PSMA3: variants seen among roughly 807,000 people sequenced by gnomAD.
PSMA3 encodes proteasome subunit alpha type-3.
Under a neutral mutation model 40.0 loss-of-function variants are expected in PSMA3, and 8 were observed. The ratio of observed to expected loss-of-function variants is 0.20; its 90% CI spans 0.12 to 0.36. The LOEUF (loss-of-function observed/expected upper bound fraction) is 0.36. Ranked by LOEUF, PSMA3 falls within the 10% of genes least tolerant of loss-of-function variation. The pLI, the probability that PSMA3 is intolerant of heterozygous loss-of-function variation, is 1.00. For missense variants in PSMA3, 219 were observed against 310.6 expected, an observed-to-expected ratio of 0.70 and a Z score of 2.22; for synonymous variants, 110 against 100.0, an observed-to-expected ratio of 1.10 and a Z score of -0.59.
intron 2 of PSMA3, among the ~76,000 whole-genome samples, chr14:58,249,911 T>C (rs1462530489): frequency 6.6e-6 from 1 of 152,076 alleles, no homozygotes; most frequent in African/African-American, 2.4e-5. Context: ...GTGGAAGATG[T>C]TGAGTTGAGA....
At chr14:58,270,522 G>T in intron 9 of PSMA3, 37 bp downstream of exon 9, 2 of 1,612,562 alleles carry the variant, frequency 1.2e-6, no homozygotes, top group South Asian at 1.1e-5. Flanking sequence ...CCTTAGGAAT[G>T]ATCTGTACCA....
chr14:58,270,357 C>T, intron 8 of PSMA3, 61 bp from the exon 9 acceptor site: 4 of 1,599,754 alleles, frequency 2.5e-6, no homozygotes, highest in Non-Finnish European at 3.4e-6. Context: ...GACTTTGGGT[C>T]TGTGAACTAC....
intron 1 of PSMA3, among the ~76,000 whole-genome samples, chr14:58,247,156 G>C (rs979906947): frequency 6.6e-6 from 1 of 152,134 alleles, no homozygotes; most frequent in African/African-American, 2.4e-5. Context: ...GTTTGACTCA[G>C]CCTAAATATA....
intron 5 of PSMA3, chr14:58,258,522 A>G (rs879073522): frequency 1.3e-5 from 2 of 152,096 alleles, no homozygotes; most frequent in Non-Finnish European, 2.9e-5. Flanking sequence ...AGGAACTGAT[A>G]ACAATGACTT....
intron 2 of PSMA3, among the ~76,000 whole-genome samples, chr14:58,249,180 G>A (rs899367817): frequency 4.0e-5 from 6 of 151,590 alleles, no homozygotes; most frequent in Non-Finnish European, 7.4e-5. Context: ...GGCTGGTCTC[G>A]AACTCCTGAC....
intron 5 of PSMA3, 41 bp from the exon 6 acceptor site, chr14:58,260,902 TTTATG>T (rs879026197): frequency 4.4e-6 from 6 of 1,349,860 alleles, no homozygotes; most frequent in East Asian, 4.7e-5. Context: ...CACAAATACT[TTTATG>T]TTATTGCCAT....
At chr14:58,254,865 C>T (rs1890107791) in intron 3 of PSMA3, among the ~76,000 whole-genome samples, 1 of 152,160 alleles carries the variant, frequency 6.6e-6, no homozygotes, top group African/African-American at 2.4e-5. Context: ...TAGTACTTGG[C>T]ACATACAGTT....
At chr14:58,268,977 C>T (rs1380240159) in intron 8 of PSMA3, 1 of 152,178 alleles carries the variant, frequency 6.6e-6, no homozygotes, top group Non-Finnish European at 1.5e-5. Flanking sequence ...CTCTGTCGTC[C>T]AGACTGGAGG....
At chr14:58,252,350 G>C in intron 3 of PSMA3, 108 bp downstream of exon 3, 1 of 1,368,632 alleles carries the variant, frequency 7.3e-7, no homozygotes, top group Non-Finnish European at 9.8e-7. Flanking sequence ...GCAAGTTACT[G>C]CATTTGTCCA....
At chr14:58,260,424 A>G (rs1241681688) in intron 5 of PSMA3, among the ~76,000 whole-genome samples, 1 of 152,230 alleles carries the variant, frequency 6.6e-6, no homozygotes, top group African/African-American at 2.4e-5. Flanking sequence ...AACAGTGCCC[A>G]CTGTATGTCA....
chr14:58,263,455 T>C (rs1052171149), intron 6 of PSMA3: 3 of 329,750 alleles, frequency 9.1e-6, no homozygotes, highest in African/African-American at 6.4e-5. Context: ...TCTTAAAGTG[T>C]ATATGATTAC....
intron 2 of PSMA3, among the ~76,000 whole-genome samples, chr14:58,251,483 C>T (rs940872800): frequency 2.6e-5 from 4 of 152,186 alleles, no homozygotes; most frequent in Non-Finnish European, 5.9e-5. Context: ...CCAGGCTCGT[C>T]TTGGACTCCT....
intron 4 of PSMA3, 34 bp from the exon 5 acceptor site, chr14:58,257,891 G>T: frequency 6.2e-7 from 1 of 1,612,476 alleles, no homozygotes; most frequent in South Asian, 1.1e-5. Context: ...AGTAATAGAA[G>T]TTTATTAATA....
At position 58,252,133 on chromosome 14, in the gene PSMA3, T is replaced by C; in HGVS notation, c.119T>C (p.Ile40Thr). 6.2e-7 allele frequency: 1 copy of C among 1,610,858 alleles called. No individual in the cohort carries two copies. Among genetic ancestry groups the C allele is most frequent in the Non-Finnish European group, 8.5e-7 (1 of 1,179,070 alleles). The change falls in exon 3 of 11, where the codon ATC becomes ACC. Residue 40 changes from isoleucine to threonine, a missense_variant. Transcript: ENST00000216455. ...AVENSSTAIG[I>T]RCKDGVVFGV... ...CCTTGTTTCAGTACAGCTATTGGAA[T>C]CAGATGCAAAGATGGTGTTGTCTTT...
chr14:58,253,599 T>G (rs891986506), intron 3 of PSMA3, among the ~76,000 whole-genome samples: 1 of 152,162 alleles, frequency 6.6e-6, no homozygotes, highest in Non-Finnish European at 1.5e-5. Flanking sequence ...GACAGGATTT[T>G]ATTTTATTTT....
chr14:58,265,053 T>C (rs1376955931), intron 7 of PSMA3: 1 of 152,148 alleles, frequency 6.6e-6, no homozygotes, highest in Non-Finnish European at 1.5e-5. Context: ...TTGAGCCCAG[T>C]AGTTCCAAGA....
At chr14:58,261,124 C>G (rs1157472437) in intron 6 of PSMA3, 104 bp downstream of exon 6, 2 of 704,786 alleles carry the variant, frequency 2.8e-6, no homozygotes, top group Non-Finnish European at 4.5e-6. Flanking sequence ...AAAACTCATT[C>G]AAGGAAAGTA....
At position 58,244,938 on chromosome 14, in the gene PSMA3, T is replaced by C. The variant is rs780981348; in HGVS notation, c.18T>C (p.Thr6=). Reference sequence around the variant, plus strand: ...TTAGCACGATGAGCTCAATCGGCACTGGGGTGAGTTCGCTGTCTGTCGGTG... The same window carrying C: ...TTAGCACGATGAGCTCAATCGGCACCGGGGTGAGTTCGCTGTCTGTCGGTG... The part of the protein sequence containing the change: MSSIG[T]GYDLSASTFS... The change falls in exon 1 of 11, where the codon ACT becomes ACC. Residue 6 remains threonine (T), a synonymous_variant. Coordinates refer to ENST00000216455, the MANE Select transcript of PSMA3 (RefSeq NM_002788.4). 22 of 1,614,056 alleles carry C rather than the reference T, an allele frequency of 1.4e-5. No homozygotes were observed. The highest frequency in any genetic ancestry group is 1.8e-5 in the Non-Finnish European group (21 of 1,180,016).
intron 1 of PSMA3, among the ~76,000 whole-genome samples, 190 bp from the exon 2 acceptor site, chr14:58,247,560 T>A (rs1231835165): frequency 6.6e-6 from 1 of 152,234 alleles, no homozygotes; most frequent in East Asian, 1.9e-4. Context: ...CTTCAATAGC[T>A]GAAATCGAAG....
Sources: allele counts gnomAD v4.1 joint callset (sites outside exome capture counted in the v4.1 genomes callset), GRCh38; gene constraint gnomAD v4.1.1; transcripts MANE v1.5; gene names NCBI Gene and HGNC (gene_info 2026-07-23, HGNC 2026-07-21).